The following HCRTR2 variants were observed in gnomAD, a reference collection of about 807,000 sequenced individuals.
HCRTR2 encodes the protein orexin receptor type 2.
HCRTR2 carries 22 observed loss-of-function variants against 49.0 expected under a neutral mutation model. The ratio of observed to expected loss-of-function variants is 0.45; its 90% CI spans 0.32 to 0.64. The LOEUF is 0.64. Ranked by LOEUF, HCRTR2 falls within the 30% of genes least tolerant of loss-of-function variation. The probability of loss-of-function intolerance (pLI) is 0.04; values close to 1 mark genes in which losing one functional copy is unlikely to be tolerated. For synonymous variants in HCRTR2, 236 were observed against 205.3 expected (o/e 1.15, Z -1.28); for missense variants, 491 against 559.4 (o/e 0.88, Z 1.23).
At chr6:55,258,627 A>C (rs930815096) in intron 3 of HCRTR2, among the ~76,000 whole-genome samples, 3 of 152,176 alleles carry the variant, frequency 2.0e-5, no homozygotes, top group African/African-American at 7.2e-5. Flanking sequence ...ATAACCTTTA[A>C]AATATACATT....
At chr6:55,204,935 A>C (rs1220252132) in intron 1 of HCRTR2, among the ~76,000 whole-genome samples, 1 of 152,028 alleles carries the variant, frequency 6.6e-6, no homozygotes, top group Non-Finnish European at 1.5e-5. Context: ...ACAGGATTGC[A>C]CTAATGTGCC....
intron 4 of HCRTR2, 122 bp from the exon 5 acceptor site, chr6:55,277,258 G>A (rs1208718094): frequency 3.9e-6 from 3 of 778,738 alleles, no homozygotes; most frequent in African/African-American, 1.7e-5. Flanking sequence ...AGAAACAGGC[G>A]CTCAAACCTC....
At chr6:55,225,378 T>A (rs1765984005) in intron 1 of HCRTR2, among the ~76,000 whole-genome samples, 1 of 152,198 alleles carries the variant, frequency 6.6e-6, no homozygotes, top group Non-Finnish European at 1.5e-5. Context: ...TATTCTGCTT[T>A]TTCTTGTCCT....
chr6:55,136,942 C>T (rs1426540291), intron 1 of HCRTR2, among the ~76,000 whole-genome samples: 2 of 152,104 alleles, frequency 1.3e-5, no homozygotes, highest in Admixed American at 1.3e-4. Context: ...GGGTAGAGGG[C>T]ATTGAAGGGT....
intron 1 of HCRTR2, among the ~76,000 whole-genome samples, chr6:55,139,984 G>A (rs752038189): frequency 6.6e-6 from 1 of 152,128 alleles, no homozygotes; most frequent in African/African-American, 2.4e-5. Flanking sequence ...AAATGTCAGA[G>A]TTGTCATTAT....
chr6:55,112,911 G>A (rs76281844), intron 1 of HCRTR2, among the ~76,000 whole-genome samples: 8,941 of 152,048 alleles, frequency 0.059, 342 homozygotes, highest in Non-Finnish European at 0.09. Flanking sequence ...AAACAGCAGG[G>A]TACTGGTGTA....
At chr6:55,262,535 A>G (rs1766784272) in intron 3 of HCRTR2, among the ~76,000 whole-genome samples, 1 of 131,614 alleles carries the variant, frequency 7.6e-6, no homozygotes, top group South Asian at 2.2e-4. Flanking sequence ...TATAATATAT[A>G]TAATATAATA....
intron 1 of HCRTR2, among the ~76,000 whole-genome samples, chr6:55,112,737 T>A (rs1374669222): frequency 6.6e-6 from 1 of 151,944 alleles, no homozygotes; most frequent in African/African-American, 2.4e-5. Context: ...ACAAGTTCAA[T>A]GCAATTCCCA....
intron 1 of HCRTR2, among the ~76,000 whole-genome samples, chr6:55,238,967 G>A (rs1220932625): frequency 6.6e-6 from 1 of 152,138 alleles, no homozygotes; most frequent in Non-Finnish European, 1.5e-5. Context: ...GGGTCAAAGA[G>A]AAGGACTGAC....
chr6:55,277,257 C>G (rs1187481892), intron 4 of HCRTR2, 123 bp from the exon 5 acceptor site: 2 of 761,682 alleles, frequency 2.6e-6, no homozygotes, highest in African/African-American at 3.5e-5. Context: ...GAGAAACAGG[C>G]GCTCAAACCT....
At chr6:55,275,559 T>C (rs938336816) in intron 4 of HCRTR2, among the ~76,000 whole-genome samples, 2 of 152,004 alleles carry the variant, frequency 1.3e-5, no homozygotes, top group Non-Finnish European at 2.9e-5. Context: ...TCACTACATT[T>C]TTTTTTTCCC....
At chr6:55,208,365 G>C (rs1348062674) in intron 1 of HCRTR2, among the ~76,000 whole-genome samples, 2 of 151,216 alleles carry the variant, frequency 1.3e-5, no homozygotes, top group African/African-American at 4.9e-5. Context: ...GGTGGTGTGT[G>C]CCTGTAATGC....
chr6:55,158,617 G>A (rs1374639609), intron 1 of HCRTR2, among the ~76,000 whole-genome samples: 3 of 152,184 alleles, frequency 2.0e-5, no homozygotes, highest in Non-Finnish European at 2.9e-5. Flanking sequence ...GAGCTTGGTG[G>A]AGAGAGGGAC....
chr6:55,231,316 G>C (rs1289308850), intron 1 of HCRTR2, among the ~76,000 whole-genome samples: 1 of 152,030 alleles, frequency 6.6e-6, no homozygotes, highest in African/African-American at 2.4e-5. Context: ...TTACTGTAAT[G>C]AAATTAAACA....
intron 5 of HCRTR2, among the ~76,000 whole-genome samples, chr6:55,278,033 G>C (rs1323333513): frequency 6.6e-6 from 1 of 152,078 alleles, no homozygotes; most frequent in African/African-American, 2.4e-5. Flanking sequence ...CCTTATGTTA[G>C]TATTCTAATT....
upstream of HCRTR2, among the ~76,000 whole-genome samples, chr6:55,169,930 C>G (rs1187936064): frequency 1.3e-5 from 2 of 151,882 alleles, no homozygotes; most frequent in African/African-American, 2.4e-5. Context: ...GATACATTTA[C>G]TGAAATGCAT....
chr6:55,273,721 A>ATTTGAATACTTTTTGC (rs6149597), intron 4 of HCRTR2, among the ~76,000 whole-genome samples: 66,349 of 150,972 alleles, frequency 0.44, 15,650 homozygotes, highest in South Asian at 0.56. Flanking sequence ...TCCTACTTTG[A>ATTTGAATACTTTTTGC]TTTGAATACT....
chr6:55,209,519 C>T (rs1250586038), intron 1 of HCRTR2, among the ~76,000 whole-genome samples: 3 of 152,086 alleles, frequency 2.0e-5, no homozygotes, highest in African/African-American at 7.2e-5. Context: ...TGTTCACATG[C>T]CACACAGACA....
chr6:55,276,341 CAAATT>C (rs1767075943), intron 4 of HCRTR2, among the ~76,000 whole-genome samples: 1 of 152,250 alleles, frequency 6.6e-6, no homozygotes, highest in Admixed American at 6.5e-5. Context: ...ATTCTGTTCT[CAAATT>C]AAAGATTATC....
Sources: allele counts gnomAD v4.1 joint callset (sites outside exome capture counted in the v4.1 genomes callset), GRCh38; gene constraint gnomAD v4.1.1; transcripts MANE v1.5; gene names NCBI Gene and HGNC (gene_info 2026-07-23, HGNC 2026-07-21).